Variants in AFF3 observed in about 807,000 individuals in gnomAD.
The protein encoded by AFF3 is ALF transcription elongation factor 3, also known as AF4/FMR2 family member 3.
Under a neutral mutation model 129.7 loss-of-function variants are expected in AFF3, and 32 were observed. That is an observed-to-expected ratio of 0.25 (90% CI 0.19 to 0.33). AFF3 has a LOEUF of 0.33. Ranked by LOEUF, AFF3 falls within the 10% of genes least tolerant of loss-of-function variation. The probability of loss-of-function intolerance (pLI) is 1.00; values close to 1 mark genes in which losing one functional copy is unlikely to be tolerated. For missense variants in AFF3, 1,373 were observed against 1,592.0 expected (o/e 0.86, Z 2.34); for synonymous variants, 644 against 635.4 (o/e 1.01, Z -0.20).
At chr2:99,902,036 T>C (rs912900177) in intron 7 of AFF3, among the ~76,000 whole-genome samples, 4 of 151,190 alleles carry the variant, frequency 2.6e-5, no homozygotes, top group African/African-American at 9.7e-5. Context: ...TGGATGTAAT[T>C]TTCTCCTACT....
intron 13 of AFF3, among the ~76,000 whole-genome samples, chr2:99,618,955 C>T (rs1681725238): frequency 6.6e-6 from 1 of 151,568 alleles, no homozygotes; most frequent in Non-Finnish European, 1.5e-5. Flanking sequence ...CTATGTTGGC[C>T]AGGGTTGTCT....
intron 7 of AFF3, among the ~76,000 whole-genome samples, chr2:99,876,758 G>C (rs1242524518): frequency 6.6e-6 from 1 of 151,980 alleles, no homozygotes; most frequent in African/African-American, 2.4e-5. Context: ...CTTTCTCTTG[G>C]CTCACGAAGC....
chr2:100,021,286 A>T (rs1362620361), intron 4 of AFF3, among the ~76,000 whole-genome samples: 1 of 152,198 alleles, frequency 6.6e-6, no homozygotes, highest in Non-Finnish European at 1.5e-5. Flanking sequence ...CAGCACATAG[A>T]AGAGTGCCTG....
At chr2:99,985,472 C>T (rs972054039) in intron 7 of AFF3, among the ~76,000 whole-genome samples, 3 of 152,008 alleles carry the variant, frequency 2.0e-5, no homozygotes, top group African/African-American at 4.8e-5. Flanking sequence ...TCGCATTTGA[C>T]CTTTTTAAAG....
Position 99,551,061 on chromosome 2 carries a change from C to A in AFF3, c.*413G>T, listed in dbSNP as rs1039646484. 3 of 424,130 alleles carry A rather than the reference C, an allele frequency of 7.1e-6. No homozygotes were observed. The highest frequency in any genetic ancestry group is 4.2e-6 in the Non-Finnish European group (1 of 239,816). 26.3% of individuals were successfully genotyped at this position (424,130 alleles called of 1,614,324 possible). A position where few individuals can be genotyped will look rare whatever the true frequency, so the allele number is the denominator to read the frequency against. ...TGCTGTATTGCACCTGGTTAACTAA[C>A]CCATGAGATTTTGGTTGAATTTTCT... is the stretch of plus-strand genomic sequence containing the variant. On this transcript the variant is annotated 3_prime_UTR_variant, in exon 25 of 25. Coordinates refer to ENST00000672756, the MANE Select transcript of AFF3 (RefSeq NM_001386135.1).
chr2:99,554,617 A>G, intron 23 of AFF3, 66 bp downstream of exon 23: 1 of 1,612,254 alleles, frequency 6.2e-7, no homozygotes, highest in African/African-American at 1.3e-5. Flanking sequence ...ACAGAAAGCA[A>G]AGCGCAGTGG....
chr2:99,978,667 G>C (rs1289382479), intron 7 of AFF3, among the ~76,000 whole-genome samples: 1 of 152,082 alleles, frequency 6.6e-6, no homozygotes, highest in East Asian at 1.9e-4. Context: ...TAACCCCCAA[G>C]GTGATGATAT....
At chr2:100,070,730 C>T (rs1365283060) in intron 4 of AFF3, among the ~76,000 whole-genome samples, 1 of 152,120 alleles carries the variant, frequency 6.6e-6, no homozygotes, top group African/African-American at 2.4e-5. Flanking sequence ...TTCTCTCTTC[C>T]CTTCCATTTC....
intron 7 of AFF3, among the ~76,000 whole-genome samples, chr2:99,884,289 T>C (rs891133297): frequency 1.3e-5 from 2 of 152,214 alleles, no homozygotes; most frequent in African/African-American, 4.8e-5. Flanking sequence ...ATTTAACACA[T>C]CCATCACCTC....
intron 7 of AFF3, among the ~76,000 whole-genome samples, chr2:99,853,527 A>G (rs1690298031): frequency 6.6e-6 from 1 of 152,234 alleles, no homozygotes; most frequent in Non-Finnish European, 1.5e-5. Context: ...TGTCTCAGTA[A>G]TAACTGCTAA....
intron 7 of AFF3, among the ~76,000 whole-genome samples, chr2:99,917,250 C>T (rs1165447733): frequency 6.6e-6 from 1 of 152,174 alleles, no homozygotes. Context: ...AACAGGGTGT[C>T]GGGGAAGAGG....
rs534047101 is a variant in AFF3 at position 99,640,339 on chromosome 2, C to T, written c.1184+9287G>A. Among the ~76,000 whole-genome samples, 22 of 151,956 alleles carry T rather than the reference C, an allele frequency of 1.4e-4. No homozygotes were observed. The South Asian group carries it at 3.7e-3, about 26-fold the overall frequency. ...AAAGAACATCTTATGATACCTCATG[C>T]GTGATTTTTCTTGGTGGTGCGATGA... On this transcript the variant is annotated intron_variant, in intron 13 of 24. Transcript: ENST00000672756.
chr2:99,572,371 T>C (rs1373891130), intron 18 of AFF3, among the ~76,000 whole-genome samples: 4 of 143,308 alleles, frequency 2.8e-5, no homozygotes, highest in Non-Finnish European at 6.1e-5. Context: ...ATATTTCTTC[T>C]GGCATGGGAA....
At chr2:99,818,370 T>C (rs61348969) in intron 8 of AFF3, among the ~76,000 whole-genome samples, 12,987 of 152,242 alleles carry the variant, frequency 0.085, 1,852 homozygotes, top group African/African-American at 0.29. Context: ...GGGAATCTCA[T>C]TCTAATCAAA....
chr2:99,954,957 G>C (rs1407572235), intron 7 of AFF3, among the ~76,000 whole-genome samples: 1 of 151,214 alleles, frequency 6.6e-6, no homozygotes, highest in Non-Finnish European at 1.5e-5. Flanking sequence ...AAATATTGCT[G>C]GACTTTGGAA....
chr2:99,951,441 G>A (rs751609219), intron 7 of AFF3, among the ~76,000 whole-genome samples: 1 of 151,992 alleles, frequency 6.6e-6, no homozygotes, highest in African/African-American at 2.4e-5. Flanking sequence ...ATGAAATCCC[G>A]TATTTTTGTA....
At chr2:99,737,785 T>A (rs1166275754) in intron 10 of AFF3, among the ~76,000 whole-genome samples, 1 of 151,942 alleles carries the variant, frequency 6.6e-6, no homozygotes, top group Non-Finnish European at 1.5e-5. Context: ...GTTAGATGCA[T>A]GTTAGACTTC....
intron 8 of AFF3, among the ~76,000 whole-genome samples, chr2:99,754,653 C>A (rs1160933018): frequency 1.3e-5 from 2 of 152,234 alleles, no homozygotes; most frequent in Non-Finnish European, 2.9e-5. Context: ...AGACCAACAG[C>A]TTCTTACAAC....
In AFF3 at chr2:99,838,067, G is replaced by A. The variant is rs1032351781; in HGVS notation, c.874-543C>T. On this transcript the variant is annotated intron_variant, in intron 7 of 24. Transcript: ENST00000672756. ...CATCCTCTGGATGTTGGACTGGCAT[G>A]TGGGGCGTCACGCTCAAGTCACTTG... 2.0e-5 allele frequency among the ~76,000 whole-genome samples: 3 copies of A among 152,344 alleles called. No individual in the cohort carries two copies. In the East Asian group the frequency reaches 5.8e-4, roughly 29 times the overall value.
Sources: gnomAD v4.1 joint callset for allele counts (sites outside exome capture counted in the v4.1 genomes callset) on GRCh38, gnomAD v4.1.1 for gene constraint, MANE v1.5 for transcripts, NCBI Gene and HGNC (gene_info 2026-07-23, HGNC 2026-07-21) for gene names.